Variants in ADAM19 observed in about 807,000 individuals in gnomAD.
ADAM19 encodes disintegrin and metalloproteinase domain-containing protein 19.
Under a neutral mutation model 114.7 loss-of-function variants are expected in ADAM19, and 65 were observed. The observed-to-expected ratio is 0.57, with a 90% confidence interval of 0.46 to 0.70. The LOEUF (loss-of-function observed/expected upper bound fraction) is 0.70, where lower values mean the gene tolerates loss of function less well. Ranked by LOEUF, ADAM19 falls within the 30% of genes least tolerant of loss-of-function variation. The pLI is 0.00. For missense variants in ADAM19, 1,063 were observed against 1,204.7 expected (o/e 0.88, Z 1.74); for synonymous variants, 466 against 460.5 (o/e 1.01, Z -0.15).
intron 2 of ADAM19, 64 bp from the exon 3 acceptor site, chr5:157,564,507 A>C: frequency 7.0e-7 from 1 of 1,420,054 alleles, no homozygotes; most frequent in Non-Finnish European, 1.0e-6. Context: ...TGGGTCGGGC[A>C]CAGGATCTAG....
intron 1 of ADAM19, among the ~76,000 whole-genome samples, chr5:157,574,446 G>A (rs537965182): frequency 1.4e-4 from 22 of 152,278 alleles, no homozygotes; most frequent in Admixed American, 5.2e-4. Flanking sequence ...GTTCCTTTGA[G>A]CCCTTTGGGA....
In ADAM19 at chr5:157,507,102, G is replaced by C. The variant is rs1283134328; in HGVS notation, c.944C>G (p.Pro315Arg). ...GTACACAGAGCACATGGCCATGAGG[G>C]GGGCCAGGCCGATGGTGGTGCCGTG... ...SFHGTTIGLAPLMAMCSVYQS... is the reference protein window; with the variant it reads ...SFHGTTIGLARLMAMCSVYQS... The change falls in exon 10 of 23, where the codon CCC becomes CGC. Residue 315 changes from proline (P) to arginine (R), a missense_variant. Transcript: ENST00000257527. 2 of 1,614,016 alleles carry C rather than the reference G, an allele frequency of 1.2e-6. No individual in the cohort carries two copies. Among genetic ancestry groups the C allele is most frequent in the African/African-American group, 1.3e-5 (1 of 74,928 alleles).
At chr5:157,559,542 G>T (rs751227920) in intron 3 of ADAM19, among the ~76,000 whole-genome samples, 3 of 152,182 alleles carry the variant, frequency 2.0e-5, no homozygotes, top group Non-Finnish European at 4.4e-5. Flanking sequence ...GCCAAGAAAG[G>T]ACAGGATATG....
intron 15 of ADAM19, among the ~76,000 whole-genome samples, chr5:157,494,255 GGATGGATA>G (rs1755273293): frequency 6.7e-6 from 1 of 148,230 alleles, no homozygotes; most frequent in Non-Finnish European, 1.5e-5. Flanking sequence ...GGTGGTAGAT[GGATGGATA>G]GATGGATGGA....
intron 3 of ADAM19, among the ~76,000 whole-genome samples, chr5:157,541,214 G>A (rs558569385): frequency 6.6e-6 from 1 of 152,154 alleles, no homozygotes; most frequent in African/African-American, 2.4e-5. Context: ...CCTCCCTGAC[G>A]AGGGGCTGGC....
intron 19 of ADAM19, among the ~76,000 whole-genome samples, chr5:157,489,693 G>C (rs1581290615): frequency 6.6e-6 from 1 of 152,172 alleles, no homozygotes; most frequent in African/African-American, 2.4e-5. Context: ...TGGTTAAAAA[G>C]ACAAAGAGGG....
chr5:157,500,343 T>G (rs1222884220), intron 12 of ADAM19, among the ~76,000 whole-genome samples: 1 of 152,180 alleles, frequency 6.6e-6, no homozygotes, highest in African/African-American at 2.4e-5. Context: ...TTTCAAGGCA[T>G]TTTCTACACA....
chr5:157,523,951 C>T (rs1287734018), intron 5 of ADAM19, among the ~76,000 whole-genome samples: 2 of 152,220 alleles, frequency 1.3e-5, no homozygotes, highest in Non-Finnish European at 2.9e-5. Context: ...CCCTGAAGGT[C>T]GTTCCAGCAA....
chr5:157,505,716 G>A lies in ADAM19; in HGVS notation c.1083C>T (p.Cys361=), dbSNP rs1755720812. Residue 361 remains cysteine (C), a synonymous_variant, in exon 11 of 23, where the codon TGC becomes TGT. Transcript: ENST00000257527. ...FGMTHDSADC[C]SASAADGGCI... is the part of the protein sequence containing the mutation. Reference sequence around the variant, plus strand: ...ACCCACCATCAGCCGCACTGGCCGAGCAGCAATCTGCAGAATCATGGGTCA... The same window carrying A: ...ACCCACCATCAGCCGCACTGGCCGAACAGCAATCTGCAGAATCATGGGTCA... 2 of 1,613,998 alleles carry A rather than the reference G, an allele frequency of 1.2e-6. No homozygotes were observed. Among genetic ancestry groups the A allele is most frequent in the Non-Finnish European group, 1.7e-6 (2 of 1,180,014 alleles).
chr5:157,544,346 T>G (rs1308508034), intron 3 of ADAM19, among the ~76,000 whole-genome samples: 2 of 152,220 alleles, frequency 1.3e-5, no homozygotes, highest in Non-Finnish European at 2.9e-5. Flanking sequence ...AACAATGCGT[T>G]AAGTCAACAC....
At chr5:157,493,568 C>T (rs1251555862) in intron 15 of ADAM19, among the ~76,000 whole-genome samples, 1 of 152,168 alleles carries the variant, frequency 6.6e-6, no homozygotes, top group Non-Finnish European at 1.5e-5. Context: ...CATTTTCAAA[C>T]CCTATCAATC....
Position 157,478,808 on chromosome 5 carries a change from T to C in ADAM19, c.*2141A>G, listed in dbSNP as rs1754667948. Reference sequence around the variant, plus strand: ...GCAAGAAAACGACAACCCAGGTCTCTTTCTGGTGTGGTTCCAGGGAGGGTG... The same window carrying C: ...GCAAGAAAACGACAACCCAGGTCTCCTTCTGGTGTGGTTCCAGGGAGGGTG... On this transcript the variant is annotated 3_prime_UTR_variant, in exon 23 of 23. Coordinates refer to ENST00000257527, the MANE Select transcript of ADAM19 (RefSeq NM_033274.5). 2 of 985,894 alleles carry C rather than the reference T, an allele frequency of 2.0e-6. No individual in the cohort carries two copies. Among genetic ancestry groups the C allele is most frequent in the Non-Finnish European group, 2.4e-6 (2 of 829,966 alleles). The allele number at this position is 985,894 out of a possible 1,614,324, so 61.1% of individuals were successfully genotyped here.
At chr5:157,484,891 G>C (rs556241966) in intron 21 of ADAM19, among the ~76,000 whole-genome samples, 1 of 152,204 alleles carries the variant, frequency 6.6e-6, no homozygotes, top group Non-Finnish European at 1.5e-5. Flanking sequence ...GTTTGGGCAG[G>C]AGCCTCATCA....
chr5:157,509,501 A>G (rs1347881950), intron 8 of ADAM19, 34 bp from the exon 9 acceptor site: 1 of 1,478,806 alleles, frequency 6.8e-7, no homozygotes, highest in East Asian at 2.5e-5. Flanking sequence ...AGTATCTGTC[A>G]ATACCACCTG....
chr5:157,518,631 GC>G (rs1561540422), intron 7 of ADAM19, among the ~76,000 whole-genome samples, 191 bp downstream of exon 7: 1 of 152,196 alleles, frequency 6.6e-6, no homozygotes, highest in African/African-American at 2.4e-5. Context: ...TGATCCACCC[GC>G]CTTGCCCACC....
chr5:157,571,229 A>C (rs573625926), intron 1 of ADAM19, among the ~76,000 whole-genome samples: 1 of 152,242 alleles, frequency 6.6e-6, no homozygotes, highest in Non-Finnish European at 1.5e-5. Flanking sequence ...CATGGTGCTA[A>C]GTACCCTGAA....
chr5:157,561,369 C>G (rs376447218), intron 3 of ADAM19, among the ~76,000 whole-genome samples: 2 of 152,244 alleles, frequency 1.3e-5, no homozygotes, highest in East Asian at 3.9e-4. Flanking sequence ...TTGCTCACTG[C>G]TATTTTGGGC....
At chr5:157,538,748 G>T (rs1756835826) in intron 3 of ADAM19, among the ~76,000 whole-genome samples, 1 of 152,124 alleles carries the variant, frequency 6.6e-6, no homozygotes, top group South Asian at 2.1e-4. Context: ...CTCACCAAAG[G>T]CCAGGCAACT....
rs147069511 is a variant in ADAM19 at position 157,523,785 on chromosome 5, C to A, written c.408-3754G>T. Among the ~76,000 whole-genome samples the A allele has an allele frequency of 7.2e-3, 1,097 of 152,330 alleles. 70 individuals carry two copies. The highest frequency in any genetic ancestry group is 0.065 in the Admixed American group (987 of 15,298). On this transcript the variant is annotated intron_variant, in intron 5 of 22. Coordinates refer to ENST00000257527, the MANE Select transcript of ADAM19 (RefSeq NM_033274.5). The stretch of plus-strand genomic sequence containing the variant: ...AGGGCCCAACCTAAAAAACGCAGAG[C>A]TGCAGGCCTGAGTAATTCCCTGCCT...
Sources: gnomAD v4.1 joint callset for allele counts (sites outside exome capture counted in the v4.1 genomes callset) on GRCh38, gnomAD v4.1.1 for gene constraint, MANE v1.5 for transcripts, NCBI Gene and HGNC (gene_info 2026-07-23, HGNC 2026-07-21) for gene names.